The following RUNX3 variants were observed in gnomAD, a reference collection of about 807,000 sequenced individuals.
RUNX3 encodes the protein runt-related transcription factor 3.
Under a neutral mutation model 27.7 loss-of-function variants are expected in RUNX3, and 10 were observed. The observed-to-expected ratio is 0.36, with a 90% CI of 0.22 to 0.61. The LOEUF (loss-of-function observed/expected upper bound fraction) is 0.61, where lower values mean the gene tolerates loss of function less well. Among genes scored for constraint, RUNX3 ranks in the 20% least tolerant of loss-of-function variants. The probability of loss-of-function intolerance (pLI) is 0.72; values close to 1 mark genes in which losing one functional copy is unlikely to be tolerated. For missense variants in RUNX3, 469 were observed against 629.5 expected (o/e 0.75, Z 2.73); for synonymous variants, 270 against 269.2 (o/e 1.00, Z -0.03).
intron 3 of RUNX3, among the ~76,000 whole-genome samples, chr1:24,911,401 C>T (rs1640793138): frequency 6.6e-6 from 1 of 152,204 alleles, no homozygotes; most frequent in Non-Finnish European, 1.5e-5. Flanking sequence ...TGACAGCCAG[C>T]CTGGGTTCGA....
At chr1:24,910,158 G>A (rs927864350) in intron 3 of RUNX3, among the ~76,000 whole-genome samples, 3 of 152,042 alleles carry the variant, frequency 2.0e-5, no homozygotes, top group Non-Finnish European at 2.9e-5. Context: ...GCGTGGTGGC[G>A]GGCGCCTATG....
chr1:24,931,908 G>A (rs1225018929), upstream of RUNX3, among the ~76,000 whole-genome samples: 1 of 152,210 alleles, frequency 6.6e-6, no homozygotes, highest in East Asian at 1.9e-4. Flanking sequence ...GCGGACCCAG[G>A]CCCGCGCGCC....
chr1:24,922,782 C>CAAAATA (rs1641024207), intron 2 of RUNX3, among the ~76,000 whole-genome samples: 1 of 21,542 alleles, frequency 4.6e-5, no homozygotes. Context: ...GCCCACAGGG[C>CAAAATA]AAAAAAAAAA....
upstream of RUNX3, among the ~76,000 whole-genome samples, chr1:24,932,040 C>G (rs566603618): frequency 6.6e-6 from 1 of 152,176 alleles, no homozygotes. Flanking sequence ...GGGCCCTGGC[C>G]GGGGGCGGGC....
In RUNX3 at chr1:24,943,411, G is replaced by T. The variant is rs1181928019; in HGVS notation, c.59-13559C>A. Among the ~76,000 whole-genome samples, 2 of 152,174 alleles carry T rather than the reference G, an allele frequency of 1.3e-5. No homozygotes were observed. Among genetic ancestry groups the T allele is most frequent in the African/African-American group, 4.8e-5 (2 of 41,432 alleles). ...CTCCCACTGATGGTGTGCTCACGGTGCCAGGCACGGTTCTGAGAACTCACA... is the reference window on the plus strand; with the variant it reads ...CTCCCACTGATGGTGTGCTCACGGTTCCAGGCACGGTTCTGAGAACTCACA... On this transcript the variant is annotated intron_variant, in intron 2 of 6. Coordinates refer to the RUNX3 transcript ENST00000338888. This position sits in a 1 kb window ranked among gnomAD's most constrained non-coding sequence, Gnocchi z 4.6.
intron 3 of RUNX3, among the ~76,000 whole-genome samples, chr1:24,912,585 G>A (rs1395369454): frequency 6.6e-6 from 1 of 152,004 alleles, no homozygotes; most frequent in Non-Finnish European, 1.5e-5. Context: ...TCATCAAAAC[G>A]GCAGCAGATG....
intron 3 of RUNX3, among the ~76,000 whole-genome samples, chr1:24,913,249 C>A (rs1241986546): frequency 6.6e-6 from 1 of 152,248 alleles, no homozygotes; most frequent in Non-Finnish European, 1.5e-5. Context: ...GGGCTCAGAT[C>A]AGACAGCTCC....
At chr1:24,941,117 ATCACACTCT>A (rs1641466217) in intron 2 of RUNX3, among the ~76,000 whole-genome samples, 2 of 152,182 alleles carry the variant, frequency 1.3e-5, no homozygotes, top group East Asian at 3.8e-4. Flanking sequence ...CCTGTGTACC[ATCACACTCT>A]CAGTTGAATC....
At chr1:24,935,128 C>G (rs1414561858), upstream of RUNX3, among the ~76,000 whole-genome samples, 1 of 152,220 alleles carries the variant, frequency 6.6e-6, no homozygotes. Flanking sequence ...GAGCAAGCAC[C>G]TCGAGGCAAA....
intron 3 of RUNX3, among the ~76,000 whole-genome samples, chr1:24,913,235 T>C (rs986408808): frequency 6.6e-6 from 1 of 152,256 alleles, no homozygotes; most frequent in Non-Finnish European, 1.5e-5. Context: ...AGCCTCCAGC[T>C]GCTGGGCTCA....
chr1:24,954,854 G>A lies in RUNX3; in HGVS notation c.58+9660C>T, dbSNP rs117011555. Among the ~76,000 whole-genome samples, 18 of 152,288 alleles carry A rather than the reference G, an allele frequency of 1.2e-4. No individual in the cohort carries two copies. The East Asian group carries it at 3.5e-3, about 29-fold the overall frequency. On this transcript the variant is annotated intron_variant, in intron 2 of 6. Coordinates refer to the RUNX3 transcript ENST00000338888. ...CACACGTACCTACCCTCAAGGCCAT[G>A]TCTACACTGGCCTATTTCAGAGAAC...
Position 24,899,587 on chromosome 1 carries a change from G to A in RUNX3, c.*2535C>T, listed in dbSNP as rs138356545. The A allele has an allele frequency of 5.7e-4, 87 of 152,678 alleles. No homozygotes were observed. The highest frequency in any genetic ancestry group is 1.9e-3 in the African/African-American group (80 of 41,518). 9.5% of individuals were successfully genotyped at this position (152,678 alleles called of 1,614,324 possible). On this transcript the variant is annotated 3_prime_UTR_variant, in exon 5 of 5. Coordinates refer to ENST00000308873, the MANE Select transcript of RUNX3 (RefSeq NM_004350.3). ...CATTTTACAGTTAAATAGTACAGAA[G>A]ACAGTTTACTGTACAAGCAAGTTGT...
At chr1:24,961,078 C>T (rs150219961) in intron 2 of RUNX3, among the ~76,000 whole-genome samples, 4 of 152,098 alleles carry the variant, frequency 2.6e-5, no homozygotes, top group African/African-American at 9.7e-5. Context: ...AATGCCTCTC[C>T]ACCCTTTTCC....
rs533187564 is a variant in RUNX3, at chr1:24,951,042, C to T, written c.58+13472G>A. ...ATAACATGGGGAAACCCTGTCTCTA[C>T]TAAAAATACAAAAATTAGCCGGTTG... is the stretch of plus-strand genomic sequence containing the variant. On this transcript the variant is annotated intron_variant, in intron 2 of 6. Coordinates refer to the RUNX3 transcript ENST00000338888. Among the ~76,000 whole-genome samples, 24 of 152,064 alleles carry T rather than the reference C, an allele frequency of 1.6e-4. No homozygotes were observed. In the South Asian group the frequency reaches 4.4e-3, roughly 28 times the overall value.
In RUNX3 at chr1:24,943,041, G is replaced by C. The variant is rs1245427062; in HGVS notation, c.59-13189C>G. ...ACTGGGCGGGGGTCCGGAGCGGAAG[G>C]CGCCCAGCCCTGATTGGAACAAGGT... On this transcript the variant is annotated intron_variant, in intron 2 of 6. Coordinates refer to the RUNX3 transcript ENST00000338888. The surrounding 1 kb of genome is among the most constrained non-coding windows in gnomAD (Gnocchi z 4.6). 6.6e-6 allele frequency among the ~76,000 whole-genome samples: 1 copy of C among 152,260 alleles called. No homozygotes were observed. The highest frequency in any genetic ancestry group is 2.4e-5 in the African/African-American group (1 of 41,472).
intron 2 of RUNX3, among the ~76,000 whole-genome samples, chr1:24,922,120 CT>C (rs1641011171): frequency 2.0e-5 from 3 of 151,654 alleles, no homozygotes; most frequent in Admixed American, 2.0e-4. Flanking sequence ...CCGGCTATTT[CT>C]TTTTTTCCCT....
At chr1:24,942,250 G>C (rs928700925) in intron 2 of RUNX3, among the ~76,000 whole-genome samples, 4 of 152,200 alleles carry the variant, frequency 2.6e-5, no homozygotes, top group African/African-American at 9.7e-5. Flanking sequence ...CTAGATTGAA[G>C]CAGTCAACAC....
chr1:24,902,194 G>A lies in RUNX3; in HGVS notation c.1176C>T (p.Gly392=). 1 of 1,569,486 alleles carries A rather than the reference G, an allele frequency of 6.4e-7. No individual in the cohort carries two copies. The change falls in exon 5 of 5, where the codon GGC becomes GGT. Residue 392 remains glycine, a synonymous_variant. Coordinates refer to ENST00000308873, the MANE Select transcript of RUNX3 (RefSeq NM_004350.3). This position sits in a 1 kb window ranked among gnomAD's most constrained non-coding sequence, Gnocchi z 9.2. ...GGQSDGVEAD[G]SHSNSPTALS... ...GGGCCGTGGGTGAGTTGCTGTGGCT[G>A]CCGTCGGCCTCCACGCCATCACTCT...
At chr1:24,940,193 G>A (rs1028491157) in intron 2 of RUNX3, among the ~76,000 whole-genome samples, 15 of 152,162 alleles carry the variant, frequency 9.9e-5, no homozygotes, top group African/African-American at 3.1e-4. Context: ...ATAGGGACAC[G>A]TCCCCTCAGA....
Sources: gnomAD v4.1 joint callset for allele counts (sites outside exome capture counted in the v4.1 genomes callset) on GRCh38, gnomAD v4.1.1 for gene constraint, Gnocchi (gnomAD v3.1) non-coding constraint, MANE v1.5 for transcripts, NCBI Gene and HGNC (gene_info 2026-07-23, HGNC 2026-07-21) for gene names.